Variants in CLEC12A observed in about 807,000 individuals in gnomAD.
CLEC12A encodes C-type lectin protein CLL-1.
CLEC12A carries 22 observed loss-of-function variants against 26.5 expected under a neutral mutation model. That is an observed-to-expected ratio of 0.83 (90% CI 0.59 to 1.19). The LOEUF (loss-of-function observed/expected upper bound fraction) is 1.19. Ranked by LOEUF, CLEC12A falls within the 50% of genes most tolerant of loss-of-function variation. The pLI, the probability that CLEC12A is intolerant of heterozygous loss-of-function variation, is 0.00. For missense variants in CLEC12A, 353 were observed against 315.6 expected, an observed-to-expected ratio of 1.12 and a Z score of -0.90; for synonymous variants, 119 against 101.9, an observed-to-expected ratio of 1.17 and a Z score of -1.01.
At chr12:10,005,349 T>C in the CLEC12A span, among the ~76,000 whole-genome samples, 24 of 152,348 alleles carry the variant, frequency 1.6e-4, no homozygotes, top group South Asian at 4.6e-3. Flanking sequence ...CTGGACAGGC[T>C]CAAGCAGACC....
chr12:9,955,111 G>T (rs1863721257), intron 1 of CLEC12A, among the ~76,000 whole-genome samples: 1 of 152,092 alleles, frequency 6.6e-6, no homozygotes, highest in Non-Finnish European at 1.5e-5. Flanking sequence ...TTTAAAAACG[G>T]AGTCTCACTC....
At chr12:9,952,023 TAC>T in intron 1 of CLEC12A, 1 of 152,000 alleles carries the variant, frequency 6.6e-6, no homozygotes, top group African/African-American at 2.4e-5. Flanking sequence ...GCTGTTTGGC[TAC>T]AGAGTTCTTT....
chr12:9,981,033 A>G (rs1864537618), intron 4 of CLEC12A, among the ~76,000 whole-genome samples: 1 of 152,206 alleles, frequency 6.6e-6, no homozygotes, highest in Non-Finnish European at 1.5e-5. Context: ...TAATTTATAA[A>G]CATTTATCTA....
the CLEC12A span, among the ~76,000 whole-genome samples, chr12:10,005,749 C>T: frequency 6.6e-6 from 1 of 151,974 alleles, no homozygotes; most frequent in Non-Finnish European, 1.5e-5. Context: ...AAATTCCATC[C>T]TATATTCATC....
chr12:9,967,223 C>T (rs1405674979), upstream of CLEC12A, among the ~76,000 whole-genome samples: 3 of 151,774 alleles, frequency 2.0e-5, no homozygotes, highest in Non-Finnish European at 2.9e-5. Flanking sequence ...ACTGAGGGGA[C>T]AGGCGGGAGG....
chr12:9,997,735 GA>G (rs1264798496), downstream of CLEC12A, among the ~76,000 whole-genome samples: 1 of 152,130 alleles, frequency 6.6e-6, no homozygotes, highest in Non-Finnish European at 1.5e-5. Flanking sequence ...ATAAATGTTA[GA>G]TTCTAACATC....
the CLEC12A span, among the ~76,000 whole-genome samples, chr12:10,003,994 G>GAA: frequency 6.6e-6 from 1 of 152,210 alleles, no homozygotes; most frequent in Non-Finnish European, 1.5e-5. Flanking sequence ...GAAATAGTGT[G>GAA]ATTAAGGTGA....
downstream of CLEC12A, chr12:9,996,954 T>A (rs541906974): frequency 3.1e-6 from 5 of 1,614,126 alleles, no homozygotes; most frequent in East Asian, 6.7e-5. Flanking sequence ...AGCAGCTATC[T>A]CCATAATATC....
chr12:10,001,451 C>G, the CLEC12A span, among the ~76,000 whole-genome samples: 1 of 152,202 alleles, frequency 6.6e-6, no homozygotes, highest in Non-Finnish European at 1.5e-5. Context: ...TTTGATCATT[C>G]CAGCCACAGT....
Position 9,964,766 on chromosome 12 carries a change from G to A in CLEC12A, c.11-6811G>A, listed in dbSNP as rs570044722. Among the ~76,000 whole-genome samples the A allele has an allele frequency of 5.3e-5, 8 of 152,286 alleles. No homozygotes were observed. In the South Asian group the frequency reaches 1.7e-3, roughly 32 times the overall value. On this transcript the variant is annotated intron_variant, in intron 1 of 6. Coordinates refer to the CLEC12A transcript ENST00000355690. The stretch of plus-strand genomic sequence containing the variant: ...AGGTGGGCTGGTGACTTGTACTATA[G>A]CATAGCCTGCCTTTGCTGGTGTGTG...
intron 1 of CLEC12A, among the ~76,000 whole-genome samples, chr12:9,957,157 AG>A (rs1453695574): frequency 6.6e-6 from 1 of 152,162 alleles, no homozygotes; most frequent in Non-Finnish European, 1.5e-5. Flanking sequence ...CAATATTTAA[AG>A]GGGAAAGGGC....
downstream of CLEC12A, among the ~76,000 whole-genome samples, chr12:9,998,551 C>A (rs144587426): frequency 4.9e-3 from 638 of 129,338 alleles, 96 homozygotes; most frequent in African/African-American, 0.016. Flanking sequence ...AGGCATGGCC[C>A]ACCCCTATAC....
chr12:9,968,801 T>C (rs1864031414), upstream of CLEC12A, among the ~76,000 whole-genome samples: 1 of 152,226 alleles, frequency 6.6e-6, no homozygotes, highest in Admixed American at 6.5e-5. Flanking sequence ...AGTATTCAAC[T>C]AGAATGAAAA....
intron 1 of CLEC12A, among the ~76,000 whole-genome samples, chr12:9,974,862 T>C (rs1027529507): frequency 6.6e-6 from 1 of 152,150 alleles, no homozygotes; most frequent in African/African-American, 2.4e-5. Context: ...TCATCTTGAA[T>C]TGTAGCTCCC....
intron 1 of CLEC12A, among the ~76,000 whole-genome samples, chr12:9,953,648 G>A (rs1161683115): frequency 4.0e-5 from 6 of 150,388 alleles, no homozygotes; most frequent in Admixed American, 1.3e-4. Context: ...GCCTCTGCCC[G>A]GCCGCCCCTA....
chr12:9,987,188 A>G (rs780719220), downstream of CLEC12A, among the ~76,000 whole-genome samples: 4 of 152,224 alleles, frequency 2.6e-5, no homozygotes, highest in Admixed American at 1.3e-4. Flanking sequence ...AAAGCTGTCT[A>G]TCAGGCATGG....
chr12:9,987,341 T>G (rs1864790288), downstream of CLEC12A, among the ~76,000 whole-genome samples: 1 of 152,208 alleles, frequency 6.6e-6, no homozygotes, highest in Admixed American at 6.5e-5. Flanking sequence ...GTGGCTTCAG[T>G]TAAAATTCCA....
At chr12:10,003,924 A>C in the CLEC12A span, among the ~76,000 whole-genome samples, 1 of 152,228 alleles carries the variant, frequency 6.6e-6, no homozygotes, top group East Asian at 1.9e-4. Flanking sequence ...AAAAAGAAAT[A>C]AAAAATAAAA....
At chr12:9,959,854 G>C (rs554102911) in intron 1 of CLEC12A, among the ~76,000 whole-genome samples, 1 of 152,244 alleles carries the variant, frequency 6.6e-6, no homozygotes, top group South Asian at 2.1e-4. Flanking sequence ...TGTTTACTTG[G>C]AGACTGTTTT....
Sources: gnomAD v4.1 joint callset for allele counts (sites outside exome capture counted in the v4.1 genomes callset) on GRCh38, gnomAD v4.1.1 for gene constraint, MANE v1.5 for transcripts, NCBI Gene and HGNC (gene_info 2026-07-23, HGNC 2026-07-21) for gene names.